The following DCAF6 variants were observed in gnomAD, a reference collection of about 807,000 sequenced individuals.
DCAF6 encodes DDB1- and CUL4-associated factor 6.
A neutral mutation model predicts 125.1 loss-of-function variants in DCAF6; 54 were observed. The observed-to-expected ratio is 0.43, with a 90% CI of 0.35 to 0.54. The LOEUF is 0.54. Ranked by LOEUF, DCAF6 falls within the 20% of genes least tolerant of loss-of-function variation. The pLI is 0.01. For missense variants in DCAF6, 934 were observed against 1,161.7 expected, an observed-to-expected ratio of 0.80 and a Z score of 2.85; for synonymous variants, 371 against 390.4, an observed-to-expected ratio of 0.95 and a Z score of 0.58.
At chr1:168,048,837 T>G (rs895976709) in intron 16 of DCAF6, among the ~76,000 whole-genome samples, 3 of 152,246 alleles carry the variant, frequency 2.0e-5, no homozygotes, top group Non-Finnish European at 1.5e-5. Context: ...AAAACTATTC[T>G]TAGCCTAAGG....
intron 12 of DCAF6, 91 bp from the exon 13 acceptor site, chr1:168,038,280 A>G (rs1688092110): frequency 3.3e-6 from 3 of 912,626 alleles, no homozygotes; most frequent in Non-Finnish European, 3.4e-6. Flanking sequence ...TATGACAAGG[A>G]CAACCTAATA....
chr1:167,976,341 C>T (rs551203183), intron 4 of DCAF6, among the ~76,000 whole-genome samples: 56 of 152,054 alleles, frequency 3.7e-4, no homozygotes, highest in South Asian at 6.2e-4. Context: ...TGGTGGTGCA[C>T]GCCTGTAATA....
intron 2 of DCAF6, among the ~76,000 whole-genome samples, chr1:167,961,697 C>T (rs773431515): frequency 7.9e-5 from 12 of 152,198 alleles, no homozygotes; most frequent in Non-Finnish European, 1.5e-4. Context: ...GGTGTTGAAA[C>T]GAAGTGGTGA....
intron 12 of DCAF6, among the ~76,000 whole-genome samples, chr1:168,028,577 CA>C (rs1295078010): frequency 6.6e-6 from 1 of 152,046 alleles, no homozygotes; most frequent in Non-Finnish European, 1.5e-5. Context: ...GTTAATTTTC[CA>C]CTATGTATCA....
intron 3 of DCAF6, chr1:167,969,303 C>T (rs1354109015): frequency 3.3e-5 from 5 of 151,894 alleles, no homozygotes; most frequent in Non-Finnish European, 7.4e-5. Flanking sequence ...AATCTTCAGC[C>T]AAGTAGTTTA....
the DCAF6 span, chr1:167,917,051 C>CTT: frequency 6.6e-6 from 1 of 152,186 alleles, no homozygotes; most frequent in African/African-American, 2.4e-5. Flanking sequence ...TGTCTCATTT[C>CTT]TTCAAATTTT....
At chr1:167,982,945 C>T (rs1265057804) in intron 4 of DCAF6, among the ~76,000 whole-genome samples, 1 of 152,096 alleles carries the variant, frequency 6.6e-6, no homozygotes, top group Non-Finnish European at 1.5e-5. Context: ...TTATTTTTGT[C>T]AACTTTGTCG....
the DCAF6 span, among the ~76,000 whole-genome samples, chr1:167,907,870 G>T: frequency 6.6e-6 from 1 of 152,182 alleles, no homozygotes; most frequent in Non-Finnish European, 1.5e-5. Context: ...AATATAATTG[G>T]CTGGTTAGCA....
rs935149406 is a variant in DCAF6 at position 168,050,908 on chromosome 1, A to G, written c.2275A>G (p.Thr759Ala). ...GPGDRFNIRG[T>A]TIGDRIMRRS... ...CTTCACTAGATTTAATATCAGAGGA[A>G]CAACAATAGGTGATAGAATAATGAG... Residue 759 changes from threonine to alanine, a missense_variant, in exon 17 of 22, where the codon ACA (threonine) becomes GCA (alanine). Coordinates refer to ENST00000367840, the MANE Select transcript of DCAF6 (RefSeq NM_001198956.2). 1.4e-5 allele frequency: 20 copies of G among 1,384,118 alleles called. No individual in the cohort carries two copies. Among genetic ancestry groups the G allele is most frequent in the Non-Finnish European group, 1.9e-5 (20 of 1,045,702 alleles). 85.7% of individuals were successfully genotyped at this position (1,384,118 alleles called of 1,614,324 possible). A position where few individuals can be genotyped will look rare whatever the true frequency, so the allele number is the denominator to read the frequency against.
chr1:167,944,240 C>T (rs995214062), intron 1 of DCAF6, among the ~76,000 whole-genome samples: 1 of 152,202 alleles, frequency 6.6e-6, no homozygotes, highest in Non-Finnish European at 1.5e-5. Context: ...AGGTTGATTC[C>T]ATATCTTTGC....
chr1:167,865,289 T>TA, the DCAF6 span, among the ~76,000 whole-genome samples: 58 of 151,814 alleles, frequency 3.8e-4, no homozygotes, highest in African/African-American at 1.2e-3. Context: ...ATGTTAATTG[T>TA]AAAAAAAAAT....
chr1:167,896,680 T>A, the DCAF6 span: 1 of 1,608,686 alleles, frequency 6.2e-7, no homozygotes, highest in Non-Finnish European at 8.5e-7. Context: ...GGGGTGGTTT[T>A]AAGAAGTTAA....
At chr1:167,988,297 A>T (rs1680308726) in intron 5 of DCAF6, among the ~76,000 whole-genome samples, 1 of 152,000 alleles carries the variant, frequency 6.6e-6, no homozygotes, top group South Asian at 2.1e-4. Context: ...AGTAGCTGGG[A>T]CTACGGGTGT....
intron 4 of DCAF6, among the ~76,000 whole-genome samples, chr1:167,977,951 C>T (rs1678507837): frequency 6.6e-6 from 1 of 152,034 alleles, no homozygotes; most frequent in Admixed American, 6.6e-5. Flanking sequence ...TCTAATACCC[C>T]TGTTTTTCTG....
intron 1 of DCAF6, among the ~76,000 whole-genome samples, chr1:167,951,346 G>A (rs1484910069): frequency 6.6e-6 from 1 of 152,146 alleles, no homozygotes; most frequent in Non-Finnish European, 1.5e-5. Flanking sequence ...AGGCCAATGC[G>A]GGTGGATCAG....
At chr1:168,008,434 C>G (rs906917158) in intron 10 of DCAF6, among the ~76,000 whole-genome samples, 10 of 152,120 alleles carry the variant, frequency 6.6e-5, no homozygotes, top group East Asian at 1.9e-4. Flanking sequence ...AGCTCATCAG[C>G]AAGTTCTTTT....
At chr1:167,961,026 T>C (rs576241695) in intron 2 of DCAF6, among the ~76,000 whole-genome samples, 17 of 152,344 alleles carry the variant, frequency 1.1e-4, no homozygotes, top group Non-Finnish European at 1.8e-4. Flanking sequence ...TACCAGAGTT[T>C]TATAATTTTC....
intron 12 of DCAF6, among the ~76,000 whole-genome samples, chr1:168,026,628 G>A (rs2103270131): frequency 6.6e-6 from 1 of 152,214 alleles, no homozygotes; most frequent in African/African-American, 2.4e-5. Context: ...CAGGTGTCTT[G>A]ATAGGGTGAT....
intron 1 of DCAF6, 57 bp downstream of exon 1, chr1:167,937,065 G>T: frequency 1.4e-6 from 2 of 1,457,872 alleles, no homozygotes; most frequent in East Asian, 2.4e-5. Flanking sequence ...TGGGGGAGGG[G>T]GCACGCTGCC....
Sources: gnomAD v4.1 joint callset for allele counts (sites outside exome capture counted in the v4.1 genomes callset) on GRCh38, gnomAD v4.1.1 for gene constraint, MANE v1.5 for transcripts, NCBI Gene and HGNC (gene_info 2026-07-23, HGNC 2026-07-21) for gene names.